Variants in UBE2E2 observed in about 807,000 individuals in gnomAD.
The protein encoded by UBE2E2 is ubiquitin-conjugating enzyme E2 E2.
A neutral mutation model predicts 24.7 loss-of-function variants in UBE2E2; 6 were observed. The ratio of observed to expected loss-of-function variants is 0.24; its 90% CI spans 0.13 to 0.48. The LOEUF (loss-of-function observed/expected upper bound fraction) is 0.48. Among genes scored for constraint, UBE2E2 ranks in the 20% least tolerant of loss-of-function variants. The probability of loss-of-function intolerance (pLI) is 0.99; values close to 1 mark genes in which losing one functional copy is unlikely to be tolerated. For synonymous variants in UBE2E2, 104 were observed against 83.6 expected (o/e 1.24, Z -1.33); for missense variants, 169 against 245.0 (o/e 0.69, Z 2.07).
chr3:23,470,333 G>T (rs1346573720), intron 3 of UBE2E2, among the ~76,000 whole-genome samples: 1 of 152,122 alleles, frequency 6.6e-6, no homozygotes, highest in African/African-American at 2.4e-5. Flanking sequence ...CCCAATCCGG[G>T]GTTTGACAGA....
chr3:23,442,683 C>G (rs1214654404), intron 3 of UBE2E2, among the ~76,000 whole-genome samples: 1 of 152,004 alleles, frequency 6.6e-6, no homozygotes, highest in Non-Finnish European at 1.5e-5. Context: ...AAGAAATTTT[C>G]AAAAGGTAGA....
chr3:23,382,979 G>A (rs547259253), intron 3 of UBE2E2, among the ~76,000 whole-genome samples: 36 of 152,242 alleles, frequency 2.4e-4, no homozygotes, highest in Non-Finnish European at 4.0e-4. Flanking sequence ...ACGTTAAGGA[G>A]CTTTAACTGA....
Position 23,589,872 on chromosome 3 carries a change from A to G in UBE2E2, c.*41A>G. ...CGCCCCGCGGGACCTGTGCAAGCAC[A>G]TTCACCAAGTGCATCGGTAGCCCTG... On this transcript the variant is annotated 3_prime_UTR_variant, in exon 6 of 6. Transcript: ENST00000396703. This position sits in a 1 kb window ranked among gnomAD's most constrained non-coding sequence, Gnocchi z 4.1. 1.9e-6 allele frequency: 3 copies of G among 1,597,328 alleles called. No individual in the cohort carries two copies. The highest frequency in any genetic ancestry group is 2.6e-6 in the Non-Finnish European group (3 of 1,165,718).
chr3:23,379,252 T>A (rs1175550367), intron 3 of UBE2E2, among the ~76,000 whole-genome samples: 2 of 150,438 alleles, frequency 1.3e-5, no homozygotes, highest in Admixed American at 6.6e-5. Context: ...ATTTTATTTT[T>A]TTTTATTATA....
At chr3:23,259,445 T>TAAAAAA (rs1390239693) in intron 3 of UBE2E2, among the ~76,000 whole-genome samples, 5 of 152,190 alleles carry the variant, frequency 3.3e-5, no homozygotes, top group African/African-American at 1.2e-4. Flanking sequence ...AAGTATTGTT[T>TAAAAAA]GAAAACCTTA....
intron 4 of UBE2E2, among the ~76,000 whole-genome samples, chr3:23,525,460 C>T (rs551552603): frequency 8.5e-5 from 13 of 152,218 alleles, no homozygotes; most frequent in South Asian, 2.1e-4. Flanking sequence ...TTTTCTATAT[C>T]GCTATATCCA....
chr3:23,280,300 T>C lies in UBE2E2; in HGVS notation c.227+62988T>C, dbSNP rs1013655902. Among the ~76,000 whole-genome samples the C allele has an allele frequency of 5.3e-5, 8 of 152,190 alleles. No individual in the cohort carries two copies. Among genetic ancestry groups the C allele is most frequent in the African/African-American group, 1.9e-4 (8 of 41,436 alleles). On this transcript the variant is annotated intron_variant, in intron 3 of 5. Coordinates refer to ENST00000396703, the MANE Select transcript of UBE2E2 (RefSeq NM_152653.4). The surrounding 1 kb of genome is among the most constrained non-coding windows in gnomAD (Gnocchi z 4.3). ...TTCAGAATTGCACCCCTTAGTGTAA[T>C]TTTTAGTGGTGAGAGTCTTAAGAGT... is the stretch of plus-strand genomic sequence containing the variant.
intron 3 of UBE2E2, among the ~76,000 whole-genome samples, chr3:23,476,792 A>G (rs1423770996): frequency 6.6e-6 from 1 of 152,132 alleles, no homozygotes; most frequent in Non-Finnish European, 1.5e-5. Flanking sequence ...TGTTATTTCC[A>G]TTCTTTCTGT....
At chr3:23,568,645 G>A (rs920635382) in intron 5 of UBE2E2, among the ~76,000 whole-genome samples, 30 of 145,172 alleles carry the variant, frequency 2.1e-4, no homozygotes, top group Non-Finnish European at 3.8e-4. Context: ...ACATATATAC[G>A]CACATATATG....
At chr3:23,325,646 C>T (rs937178004) in intron 3 of UBE2E2, among the ~76,000 whole-genome samples, 2 of 152,194 alleles carry the variant, frequency 1.3e-5, no homozygotes, top group East Asian at 1.9e-4. Context: ...TAGTTATGAA[C>T]GTCCTCTCCG....
chr3:23,576,378 C>CA (rs1696347712), intron 5 of UBE2E2, among the ~76,000 whole-genome samples: 1 of 151,996 alleles, frequency 6.6e-6, no homozygotes, highest in South Asian at 2.1e-4. Flanking sequence ...CAAGAAATGG[C>CA]AAAGTGCAGG....
In UBE2E2 at chr3:23,203,446, A is replaced by C. The variant is rs1696020899; in HGVS notation, c.-27A>C. On this transcript the variant is annotated 5_prime_UTR_variant, in exon 1 of 6. Coordinates refer to ENST00000396703, the MANE Select transcript of UBE2E2 (RefSeq NM_152653.4). ...GCTTCGGCTCGAGCCTGCGACCTGC[A>C]CGGACACCCCCCCCTCAGGTATTCG... 1 of 916,576 alleles carries C rather than the reference A, an allele frequency of 1.1e-6. No homozygotes were observed. Among genetic ancestry groups the C allele is most frequent in the Non-Finnish European group, 1.2e-6 (1 of 807,712 alleles). The allele number at this position is 916,576 out of a possible 1,614,324, so 56.8% of individuals were successfully genotyped here.
intron 3 of UBE2E2, among the ~76,000 whole-genome samples, chr3:23,265,174 A>G (rs79667137): frequency 0.029 from 4,370 of 152,314 alleles, 106 homozygotes; most frequent in East Asian, 0.13. Context: ...GCTATGAAGA[A>G]GGAACGAATG....
intron 3 of UBE2E2, among the ~76,000 whole-genome samples, chr3:23,306,673 TC>T (rs1461189230): frequency 1.3e-5 from 2 of 152,204 alleles, no homozygotes; most frequent in African/African-American, 4.8e-5. Flanking sequence ...GCTTCACTCC[TC>T]CTGGTTGGCT....
chr3:23,540,384 G>A (rs1047358766), intron 5 of UBE2E2, among the ~76,000 whole-genome samples: 59 of 138,318 alleles, frequency 4.3e-4, no homozygotes, highest in African/African-American at 1.8e-3. Flanking sequence ...AAAGTTTGAT[G>A]CCCTTTTGTT....
intron 3 of UBE2E2, among the ~76,000 whole-genome samples, chr3:23,426,427 A>G (rs1206603079): frequency 6.6e-6 from 1 of 151,990 alleles, no homozygotes; most frequent in Non-Finnish European, 1.5e-5. Context: ...CAAAAAAAAA[A>G]AAAAAAAGCT....
At chr3:23,288,278 T>C (rs1200952213) in intron 3 of UBE2E2, among the ~76,000 whole-genome samples, 1 of 152,244 alleles carries the variant, frequency 6.6e-6, no homozygotes, top group African/African-American at 2.4e-5. Flanking sequence ...CTAGAAAAGA[T>C]ACTTGACATT....
rs150600176 is a variant in UBE2E2, at chr3:23,308,459, A to T, written c.227+91147A>T. On this transcript the variant is annotated intron_variant, in intron 3 of 5. Coordinates refer to ENST00000396703, the MANE Select transcript of UBE2E2 (RefSeq NM_152653.4). ...AAGATGAATTTACACAAAAAGGAGGATATTATTTTTACACAAATAAATATT... is the reference window on the plus strand; with the variant it reads ...AAGATGAATTTACACAAAAAGGAGGTTATTATTTTTACACAAATAAATATT... Among the ~76,000 whole-genome samples, 242 of 152,330 alleles carry T rather than the reference A, an allele frequency of 1.6e-3. 2 individuals carry two copies. Among genetic ancestry groups the T allele is most frequent in the Non-Finnish European group, 3.3e-3 (222 of 68,034 alleles).
intron 3 of UBE2E2, among the ~76,000 whole-genome samples, chr3:23,468,647 C>CCT (rs1366527471): frequency 6.6e-6 from 1 of 152,184 alleles, no homozygotes; most frequent in African/African-American, 2.4e-5. Context: ...TTAGGCAAGT[C>CCT]ACCTAACATT....
Sources: gnomAD v4.1 joint callset for allele counts (sites outside exome capture counted in the v4.1 genomes callset) on GRCh38, gnomAD v4.1.1 for gene constraint, Gnocchi (gnomAD v3.1) non-coding constraint, MANE v1.5 for transcripts, NCBI Gene and HGNC (gene_info 2026-07-23, HGNC 2026-07-21) for gene names.